The following SLC8A1 variants were observed in gnomAD, a reference collection of about 807,000 sequenced individuals.
SLC8A1 encodes solute carrier family 8 member A1, also known as sodium/calcium exchanger 1.
Under a neutral mutation model 68.3 loss-of-function variants are expected in SLC8A1, and 18 were observed. The observed-to-expected ratio is 0.26, with a 90% CI of 0.18 to 0.39. SLC8A1 has a LOEUF of 0.39. Ranked by LOEUF, SLC8A1 falls within the 10% of genes least tolerant of loss-of-function variation. SLC8A1 has a pLI of 1.00. For missense variants in SLC8A1, 985 were observed against 1,156.7 expected, an observed-to-expected ratio of 0.85 and a Z score of 2.15; for synonymous variants, 475 against 415.5, an observed-to-expected ratio of 1.14 and a Z score of -1.74.
chr2:40,446,372 A>G (rs1701448451), intron 1 of SLC8A1: 1 of 152,208 alleles, frequency 6.6e-6, no homozygotes, highest in Non-Finnish European at 1.5e-5. Flanking sequence ...ACAGAACGGA[A>G]TGAAAGGGTC....
At chr2:40,136,014 G>A (rs2040432202) in intron 7 of SLC8A1, among the ~76,000 whole-genome samples, 1 of 152,148 alleles carries the variant, frequency 6.6e-6, no homozygotes. Context: ...TATACATTTA[G>A]CAGTCATTGG....
chr2:40,290,442 G>A (rs986841364), intron 2 of SLC8A1, among the ~76,000 whole-genome samples: 6 of 152,034 alleles, frequency 3.9e-5, no homozygotes, highest in African/African-American at 1.2e-4. Context: ...TAGAATATAT[G>A]CTTCTAGAGA....
chr2:40,454,064 A>G (rs989158387), upstream of SLC8A1, among the ~76,000 whole-genome samples: 25 of 152,234 alleles, frequency 1.6e-4, no homozygotes, highest in African/African-American at 5.8e-4. Context: ...GGGGAGAGAC[A>G]GAAGGTCACT....
intron 6 of SLC8A1, among the ~76,000 whole-genome samples, chr2:40,149,554 G>T (rs1004142976): frequency 6.6e-6 from 1 of 152,150 alleles, no homozygotes; most frequent in Non-Finnish European, 1.5e-5. Context: ...GCACAACTGT[G>T]TAGAGAACAG....
At chr2:40,178,333 G>T in intron 2 of SLC8A1, 54 bp downstream of exon 3, 2 of 1,323,828 alleles carry the variant, frequency 1.5e-6, no homozygotes, top group Non-Finnish European at 2.2e-6. Flanking sequence ...GGCATCCAGG[G>T]GTGGCACAGG....
intron 2 of SLC8A1, among the ~76,000 whole-genome samples, chr2:40,398,455 T>G (rs544854715): frequency 6.6e-6 from 1 of 152,194 alleles, no homozygotes; most frequent in African/African-American, 2.4e-5. Flanking sequence ...AGAATTACAA[T>G]AGCAATACAA....
At chr2:40,253,234 T>G (rs1177306178) in intron 2 of SLC8A1, among the ~76,000 whole-genome samples, 1 of 149,944 alleles carries the variant, frequency 6.7e-6, no homozygotes, top group Non-Finnish European at 1.5e-5. Context: ...TATACATACA[T>G]GTGCGTATAT....
chr2:40,424,124 T>C (rs556978062), intron 2 of SLC8A1, among the ~76,000 whole-genome samples: 2 of 152,082 alleles, frequency 1.3e-5, no homozygotes, highest in African/African-American at 2.4e-5. Flanking sequence ...AGTTATTAAA[T>C]TGTGTGCAGA....
At chr2:40,402,354 G>C (rs1689002871) in intron 2 of SLC8A1, among the ~76,000 whole-genome samples, 1 of 152,138 alleles carries the variant, frequency 6.6e-6, no homozygotes, top group African/African-American at 2.4e-5. Flanking sequence ...CAAAAACTCA[G>C]GAATAATTCA....
chr2:40,511,027 G>A (rs1706692210), intron 1 of SLC8A1, among the ~76,000 whole-genome samples: 1 of 152,094 alleles, frequency 6.6e-6, no homozygotes, highest in Non-Finnish European at 1.5e-5. Flanking sequence ...TTTATCCAGA[G>A]AACATCTCCT....
At chr2:40,277,885 G>A (rs1325687161) in intron 2 of SLC8A1, among the ~76,000 whole-genome samples, 3 of 144,508 alleles carry the variant, frequency 2.1e-5, no homozygotes, top group African/African-American at 7.6e-5. Flanking sequence ...GGATATAAAA[G>A]CTTTACATCT....
At chr2:40,255,093 A>C (rs927371194) in intron 2 of SLC8A1, 3 of 151,862 alleles carry the variant, frequency 2.0e-5, no homozygotes, top group African/African-American at 2.4e-5. Flanking sequence ...CCATTTCTCT[A>C]TGTCTGCGCT....
At chr2:40,171,367 C>T (rs541073605) in intron 4 of SLC8A1, among the ~76,000 whole-genome samples, 1 of 152,278 alleles carries the variant, frequency 6.6e-6, no homozygotes, top group South Asian at 2.1e-4. Context: ...GGTATACTGA[C>T]TGATTTTTAA....
Position 40,377,999 on chromosome 2 carries a change from T to C in SLC8A1, c.1808+50474A>G, listed in dbSNP as rs573039722. On this transcript the variant is annotated intron_variant, in intron 2 of 7. Transcript: ENST00000406785. ...TCACAGGTTTTAAAGAAAATTATCCTGTACTCTTTGTCATCCATTCATTCA... is the reference window on the plus strand; with the variant it reads ...TCACAGGTTTTAAAGAAAATTATCCCGTACTCTTTGTCATCCATTCATTCA... 2.0e-5 allele frequency among the ~76,000 whole-genome samples: 3 copies of C among 152,274 alleles called. No individual in the cohort carries two copies. The South Asian group carries it at 6.2e-4, about 32-fold the overall frequency.
chr2:40,169,408 T>C (rs2047074980), intron 4 of SLC8A1, among the ~76,000 whole-genome samples: 1 of 152,270 alleles, frequency 6.6e-6, no homozygotes, highest in African/African-American at 2.4e-5. Flanking sequence ...GCTGGCCTCT[T>C]TGATTGGAGG....
chr2:40,396,851 ATGACC>A (rs773531541), intron 2 of SLC8A1, among the ~76,000 whole-genome samples: 9 of 151,568 alleles, frequency 5.9e-5, no homozygotes, highest in Non-Finnish European at 8.8e-5. Context: ...TCCAGTGATA[ATGACC>A]TGACTTTTTG....
intron 2 of SLC8A1, among the ~76,000 whole-genome samples, chr2:40,315,520 G>C (rs1296774610): frequency 6.6e-6 from 1 of 150,726 alleles, no homozygotes; most frequent in Non-Finnish European, 1.5e-5. Context: ...ATCCAACTGG[G>C]TTAGTATTGA....
chr2:40,170,246 G>C, intron 4 of SLC8A1, 35 bp downstream of exon 7: 1 of 1,575,246 alleles, frequency 6.3e-7, no homozygotes, highest in Non-Finnish European at 8.7e-7. Context: ...ACTCTGGGAG[G>C]CTGTGGTTTT....
intron 2 of SLC8A1, among the ~76,000 whole-genome samples, chr2:40,204,032 A>G (rs1187105424): frequency 6.6e-6 from 1 of 152,012 alleles, no homozygotes; most frequent in Non-Finnish European, 1.5e-5. Flanking sequence ...GGTTGAAAAC[A>G]ATTTTACAAA....
Sources: gnomAD v4.1 joint callset for allele counts (sites outside exome capture counted in the v4.1 genomes callset) on GRCh38, gnomAD v4.1.1 for gene constraint, MANE v1.5 for transcripts, NCBI Gene and HGNC (gene_info 2026-07-23, HGNC 2026-07-21) for gene names.